Variants in PCDHA5 observed in about 807,000 individuals in gnomAD.
The protein encoded by PCDHA5 is protocadherin alpha 5.
PCDHA5 carries 43 observed loss-of-function variants against 61.6 expected under a neutral mutation model. The observed-to-expected ratio is 0.70, with a 90% CI of 0.55 to 0.90. The LOEUF (loss-of-function observed/expected upper bound fraction) is 0.90, where lower values mean the gene tolerates loss of function less well. Ranked by LOEUF, PCDHA5 falls within the 40% of genes least tolerant of loss-of-function variation. The pLI is 0.00. For missense variants in PCDHA5, 1,298 were observed against 1,222.7 expected, an observed-to-expected ratio of 1.06 and a Z score of -0.92; for synonymous variants, 627 against 543.9, an observed-to-expected ratio of 1.15 and a Z score of -2.13.
Position 140,824,033 on chromosome 5 carries a change from G to A in PCDHA5, c.2258G>A (p.Arg753Lys). 2 of 1,614,182 alleles carry A rather than the reference G, an allele frequency of 1.2e-6. No individual in the cohort carries two copies. Among genetic ancestry groups the A allele is most frequent in the Non-Finnish European group, 1.7e-6 (2 of 1,180,030 alleles). Residue 753 changes from arginine to lysine, a missense_variant, in exon 1 of 4, where the codon AGG becomes AAG. By Grantham distance (26) the Arg-to-Lys change is conservative. Coordinates refer to ENST00000529859, the MANE Select transcript of PCDHA5 (RefSeq NM_018908.3). ...GGGAGCTGGTCGTACTCGCAGCAGA[G>A]GAGACAGAGGGTGTGCTCTGGGGAA... Reference protein sequence around the residue: ...AVGSWSYSQQRRQRVCSGEAP... With the variant: ...AVGSWSYSQQKRQRVCSGEAP...
rs149739125 is a variant in PCDHA5, at chr5:140,954,248, C to T, written c.2353-24701C>T. 1.2e-3 allele frequency among the ~76,000 whole-genome samples: 179 copies of T among 152,316 alleles called. 1 individual carries two copies. The highest frequency in any genetic ancestry group is 4.0e-3 in the African/African-American group (166 of 41,572). ...TGAATAGTGCTGCAATGAACATACACATGCAGGTATCTTTATAATAGGATG... is the reference window on the plus strand; with the variant it reads ...TGAATAGTGCTGCAATGAACATACATATGCAGGTATCTTTATAATAGGATG... On this transcript the variant is annotated intron_variant, in intron 1 of 3. Coordinates refer to ENST00000529859, the MANE Select transcript of PCDHA5 (RefSeq NM_018908.3).
intron 1 of PCDHA5, chr5:140,843,887 A>G: frequency 1.4e-6 from 1 of 705,148 alleles, no homozygotes. Context: ...ATAATACAGT[A>G]TTAATCATTC....
In PCDHA5 at chr5:140,822,919, G is replaced by A. The variant is rs2150120383; in HGVS notation, c.1144G>A (p.Gly382Arg). 4.3e-6 allele frequency: 7 copies of A among 1,614,112 alleles called. No homozygotes were observed. The highest frequency in any genetic ancestry group is 5.9e-6 in the Non-Finnish European group (7 of 1,180,052). Residue 382 changes from glycine to arginine, a missense_variant, in exon 1 of 4, where the codon GGG becomes AGG. Transcript: ENST00000529859. ...GTCTGACCGTGACTCAGGTGCCAAC[G>A]GGCAGGTGACCTGCTCCCTAATGCC... ...SVSDRDSGAN[G>R]QVTCSLMPHV...
At position 141,010,447 on chromosome 5, in the gene PCDHA5, A is replaced by G. The variant is rs1343052000; in HGVS notation, c.*510A>G. On this transcript the variant is annotated 3_prime_UTR_variant, in exon 4 of 4. Coordinates refer to ENST00000529859, the MANE Select transcript of PCDHA5 (RefSeq NM_018908.3). Reference sequence around the variant, plus strand: ...GGCAAGAAAACAAAGACAAATAAACAGCGGAAGTTATCAGTATGGAGGGGA... The same window carrying G: ...GGCAAGAAAACAAAGACAAATAAACGGCGGAAGTTATCAGTATGGAGGGGA... 2 of 935,278 alleles carry G rather than the reference A, an allele frequency of 2.1e-6. No homozygotes were observed. Among genetic ancestry groups the G allele is most frequent in the Non-Finnish European group, 3.1e-6 (2 of 648,428 alleles). The allele number at this position is 935,278 out of a possible 1,614,324, so 57.9% of individuals were successfully genotyped here.
At chr5:140,856,867 C>A (rs1554149232) in intron 1 of PCDHA5, 1 of 1,595,186 alleles carries the variant, frequency 6.3e-7, no homozygotes. Context: ...AAGGAATAAA[C>A]AAGGAAATGA....
At chr5:140,863,178 C>T (rs1420894530) in intron 1 of PCDHA5, 2 of 736,748 alleles carry the variant, frequency 2.7e-6, no homozygotes, top group Non-Finnish European at 4.7e-6. Flanking sequence ...TGACTGCCAC[C>T]GTCACCGTGG....
chr5:141,003,856 ATG>A (rs1554259354), intron 3 of PCDHA5, among the ~76,000 whole-genome samples: 1 of 152,144 alleles, frequency 6.6e-6, no homozygotes, highest in Non-Finnish European at 1.5e-5. Flanking sequence ...CCAGATTTAT[ATG>A]TGTCTGAAAT....
At chr5:140,837,849 A>C (rs957584750) in intron 1 of PCDHA5, among the ~76,000 whole-genome samples, 1 of 150,852 alleles carries the variant, frequency 6.6e-6, no homozygotes, top group Non-Finnish European at 1.5e-5. Flanking sequence ...GGCTAATTTT[A>C]TTTTATTTTT....
At chr5:140,897,694 G>A (rs1091552) in intron 1 of PCDHA5, among the ~76,000 whole-genome samples, 2,266 of 152,206 alleles carry the variant, frequency 0.015, 53 homozygotes, top group African/African-American at 0.052. Context: ...AGTCCTTTGG[G>A]CATATACCCA....
intron 1 of PCDHA5, among the ~76,000 whole-genome samples, chr5:140,923,645 C>T (rs939799750): frequency 1.1e-4 from 17 of 152,126 alleles, no homozygotes; most frequent in African/African-American, 4.1e-4. Context: ...AATCTTTAGC[C>T]TCCCTTATCT....
At chr5:140,849,456 G>C in intron 1 of PCDHA5, 2 of 1,587,320 alleles carry the variant, frequency 1.3e-6, no homozygotes, top group Non-Finnish European at 1.7e-6. Context: ...GATCCCAGTC[G>C]AGGCTGTCGA....
intron 1 of PCDHA5, chr5:140,836,555 A>T (rs1554136073): frequency 6.2e-7 from 1 of 1,613,750 alleles, no homozygotes; most frequent in East Asian, 2.2e-5. Context: ...TGCGGTGCTC[A>T]GCGCCGTCCT....
chr5:140,855,802 G>C (rs1329894390), intron 1 of PCDHA5: 4 of 477,838 alleles, frequency 8.4e-6, no homozygotes, highest in Non-Finnish European at 1.5e-5. Context: ...ACATATGAAT[G>C]AAAGAAAAGT....
intron 1 of PCDHA5, chr5:140,877,040 T>C (rs1252847205): frequency 5.0e-6 from 8 of 1,612,450 alleles, no homozygotes; most frequent in Non-Finnish European, 5.1e-6. Context: ...CTGCAGCCGC[T>C]AGACCACGAG....
chr5:140,882,656 C>T, intron 1 of PCDHA5: 1 of 1,614,192 alleles, frequency 6.2e-7, no homozygotes, highest in Non-Finnish European at 8.5e-7. Flanking sequence ...TAACGACAAC[C>T]CGCCCATATT....
chr5:140,882,891 A>C, intron 1 of PCDHA5: 1 of 1,614,230 alleles, frequency 6.2e-7, no homozygotes, highest in East Asian at 2.2e-5. Flanking sequence ...ATTCAGGAAC[A>C]TAGTTTATTA....
chr5:140,971,161 C>T (rs189213416), intron 1 of PCDHA5, among the ~76,000 whole-genome samples: 1 of 152,292 alleles, frequency 6.6e-6, no homozygotes, highest in Non-Finnish European at 1.5e-5. Flanking sequence ...CCAGGCTCAG[C>T]TTTGCCACCA....
intron 1 of PCDHA5, chr5:140,882,976 T>A: frequency 6.2e-7 from 1 of 1,614,220 alleles, no homozygotes; most frequent in South Asian, 1.1e-5. Context: ...TGGACGTGAA[T>A]GACAACGCCC....
rs200390545 is a variant in PCDHA5 at position 140,821,737 on chromosome 5, G to A, written c.-39G>A. ...TTGAATTTACAAAATACATTGTGTG[G>A]TGATGCAATAGAAAGCTCATAATTG... On this transcript the variant is annotated 5_prime_UTR_variant, in exon 1 of 4. The change creates a new upstream start codon in the 5' untranslated region. Transcript: ENST00000529859. 269 of 1,541,764 alleles carry A rather than the reference G, an allele frequency of 1.7e-4. 1 individual carries two copies. Among genetic ancestry groups the A allele is most frequent in the Middle Eastern group, 7.0e-4 (4 of 5,738 alleles).
Sources: gnomAD v4.1 joint callset for allele counts (sites outside exome capture counted in the v4.1 genomes callset) on GRCh38, gnomAD v4.1.1 for gene constraint, MANE v1.5 for transcripts, NCBI Gene and HGNC (gene_info 2026-07-23, HGNC 2026-07-21) for gene names.